The following MAP3K7CL variants were observed in gnomAD, a reference collection of about 807,000 sequenced individuals.
MAP3K7CL encodes MAP3K7 C-terminal-like protein.
A neutral mutation model predicts 18.6 loss-of-function variants in MAP3K7CL; 16 were observed. That is an observed-to-expected ratio of 0.86 (90% confidence interval 0.58 to 1.31). The LOEUF is 1.31. Among genes scored for constraint, MAP3K7CL ranks in the 50% most tolerant of loss-of-function variants. The probability of loss-of-function intolerance (pLI) is 0.00; values close to 1 mark genes in which losing one functional copy is unlikely to be tolerated. For missense variants in MAP3K7CL, 163 were observed against 174.4 expected (o/e 0.93, Z 0.37); for synonymous variants, 65 against 66.8 (o/e 0.97, Z 0.13).
At chr21:29,085,846 A>G, upstream of MAP3K7CL, 2 of 1,614,076 alleles carry the variant, frequency 1.2e-6, no homozygotes, top group Non-Finnish European at 1.7e-6. Flanking sequence ...AATTACTGTC[A>G]TGCAAAGCGA....
intron 2 of MAP3K7CL, among the ~76,000 whole-genome samples, chr21:29,144,637 TG>T (rs776883460): frequency 2.4e-4 from 36 of 152,228 alleles, no homozygotes; most frequent in Non-Finnish European, 4.3e-4. Flanking sequence ...TTTCCCTTTT[TG>T]GGGTCCTTGT....
intron 4 of MAP3K7CL, among the ~76,000 whole-genome samples, chr21:29,095,819 C>T (rs1051529957): frequency 2.0e-5 from 3 of 152,202 alleles, no homozygotes; most frequent in African/African-American, 7.2e-5. Flanking sequence ...CCAGGGACCA[C>T]ACTTTGAGTA....
At chr21:29,162,787 C>G (rs908332482) in intron 4 of MAP3K7CL, among the ~76,000 whole-genome samples, 5 of 151,552 alleles carry the variant, frequency 3.3e-5, no homozygotes, top group Admixed American at 1.3e-4. Context: ...AATGATAACT[C>G]TGGGTACCAC....
intron 4 of MAP3K7CL, among the ~76,000 whole-genome samples, chr21:29,160,456 G>A (rs1193492782): frequency 3.9e-5 from 6 of 152,258 alleles, no homozygotes; most frequent in Admixed American, 2.6e-4. Flanking sequence ...TAATGTAAAC[G>A]TTTTAGTTGA....
intron 4 of MAP3K7CL, among the ~76,000 whole-genome samples, chr21:29,121,586 G>A (rs1317794566): frequency 6.6e-6 from 1 of 152,122 alleles, no homozygotes; most frequent in Non-Finnish European, 1.5e-5. Context: ...CTTTCTTGCA[G>A]TAGGAGGATG....
intron 1 of MAP3K7CL, among the ~76,000 whole-genome samples, chr21:29,090,565 G>T (rs564965508): frequency 2.0e-5 from 3 of 152,084 alleles, no homozygotes; most frequent in Non-Finnish European, 4.4e-5. Flanking sequence ...ATTTTTAGTA[G>T]AGACAGGGTT....
At chr21:29,079,459 CTG>C (rs1235956573) in intron 1 of MAP3K7CL, among the ~76,000 whole-genome samples, 9 of 152,256 alleles carry the variant, frequency 5.9e-5, no homozygotes, top group Non-Finnish European at 1.0e-4. Flanking sequence ...CTTCCCCATA[CTG>C]TCTCACCACT....
At chr21:29,085,545 TAAAAAAAA>T (rs33938293), upstream of MAP3K7CL, among the ~76,000 whole-genome samples, 271 of 49,030 alleles carry the variant, frequency 5.5e-3, 1 homozygote, top group Non-Finnish European at 7.9e-3. Context: ...AGACTCTGTC[TAAAAAAAA>T]AAAAAAAAAA....
At chr21:29,174,303 A>G (rs940223252) in intron 4 of MAP3K7CL, among the ~76,000 whole-genome samples, 7 of 152,234 alleles carry the variant, frequency 4.6e-5, no homozygotes, top group Admixed American at 2.0e-4. Flanking sequence ...AAGGAAGATA[A>G]CAACTGAATT....
chr21:29,140,201 A>G (rs749521680), intron 2 of MAP3K7CL, among the ~76,000 whole-genome samples: 10 of 152,182 alleles, frequency 6.6e-5, no homozygotes, highest in South Asian at 4.1e-4. Flanking sequence ...TAGAAACTGA[A>G]TTATCAAATA....
upstream of MAP3K7CL, among the ~76,000 whole-genome samples, chr21:29,126,017 TACTA>T (rs1404770707): frequency 2.0e-5 from 3 of 152,264 alleles, no homozygotes; most frequent in African/African-American, 7.2e-5. Context: ...ACTTTTGCTT[TACTA>T]ACTGAGAAAT....
chr21:29,103,594 G>A (rs2086270168), intron 4 of MAP3K7CL, among the ~76,000 whole-genome samples: 1 of 152,144 alleles, frequency 6.6e-6, no homozygotes, highest in Non-Finnish European at 1.5e-5. Flanking sequence ...AATTAGCCAG[G>A]CGTGGTGGCA....
At chr21:29,103,866 T>C (rs972254741) in intron 4 of MAP3K7CL, among the ~76,000 whole-genome samples, 1 of 152,220 alleles carries the variant, frequency 6.6e-6, no homozygotes, top group Non-Finnish European at 1.5e-5. Flanking sequence ...ATTGCTCCAC[T>C]GCACTTCAGC....
chr21:29,084,949 A>C (rs1361365805), upstream of MAP3K7CL: 1 of 152,232 alleles, frequency 6.6e-6, no homozygotes, highest in African/African-American at 2.4e-5. Flanking sequence ...TGTTTGGGAA[A>C]TGTAATAATG....
intron 4 of MAP3K7CL, among the ~76,000 whole-genome samples, chr21:29,117,848 T>C (rs1373345461): frequency 2.0e-5 from 3 of 151,502 alleles, no homozygotes; most frequent in Non-Finnish European, 4.4e-5. Flanking sequence ...GCAGTAAAAT[T>C]GAGGGTTGTG....
At chr21:29,106,591 G>A (rs2086327304) in intron 4 of MAP3K7CL, among the ~76,000 whole-genome samples, 1 of 152,168 alleles carries the variant, frequency 6.6e-6, no homozygotes, top group South Asian at 2.1e-4. Flanking sequence ...ACAACCACGT[G>A]TGCCAGTTCG....
chr21:29,147,444 A>G (rs1345363394), intron 2 of MAP3K7CL, among the ~76,000 whole-genome samples: 1 of 151,794 alleles, frequency 6.6e-6, no homozygotes, highest in African/African-American at 2.4e-5. Flanking sequence ...ATGTATCTGT[A>G]TTGTATCTGT....
At position 29,135,776 on chromosome 21, in the gene MAP3K7CL, T is replaced by G. The variant is rs550073872; in HGVS notation, c.70+2362T>G. 3.9e-5 allele frequency among the ~76,000 whole-genome samples: 6 copies of G among 152,326 alleles called. 1 individual carries two copies. The South Asian group carries it at 1.2e-3, about 32-fold the overall frequency. ...TCAAATGACTCCAGAATGCCCACTTTCAAAATCCATGGTTTTTAATAGGTA... is the reference window on the plus strand; with the variant it reads ...TCAAATGACTCCAGAATGCCCACTTGCAAAATCCATGGTTTTTAATAGGTA... On this transcript the variant is annotated intron_variant, in intron 2 of 4. Coordinates refer to ENST00000399928, the MANE Select transcript of MAP3K7CL (RefSeq NM_001286620.2).
At chr21:29,135,667 T>G (rs915241251) in intron 2 of MAP3K7CL, among the ~76,000 whole-genome samples, 1 of 152,200 alleles carries the variant, frequency 6.6e-6, no homozygotes, top group Non-Finnish European at 1.5e-5. Context: ...TTCTTTGAAC[T>G]CTCTTGGCCC....
Sources: gnomAD v4.1 joint callset for allele counts (sites outside exome capture counted in the v4.1 genomes callset) on GRCh38, gnomAD v4.1.1 for gene constraint, MANE v1.5 for transcripts, NCBI Gene and HGNC (gene_info 2026-07-23, HGNC 2026-07-21) for gene names.